Variants in TNS3 observed in about 807,000 individuals in gnomAD.
TNS3 encodes tensin 3, also known as tensin-3.
A neutral mutation model predicts 140.9 loss-of-function variants in TNS3; 45 were observed. The observed-to-expected ratio is 0.32, with a 90% CI of 0.25 to 0.41. TNS3 has a LOEUF of 0.41. Among genes scored for constraint, TNS3 ranks in the 10% least tolerant of loss-of-function variants. The pLI is 1.00. For synonymous variants in TNS3, 815 were observed against 788.4 expected (o/e 1.03, Z -0.56); for missense variants, 1,716 against 1,906.7 (o/e 0.90, Z 1.86).
At chr7:47,582,336 G>A (rs938579222), upstream of TNS3, 2 of 430,332 alleles carry the variant, frequency 4.6e-6, no homozygotes, top group Non-Finnish European at 9.3e-6. Flanking sequence ...GCTGGCCGCA[G>A]AGAGGACCTG....
intron 1 of TNS3, among the ~76,000 whole-genome samples, chr7:47,567,039 A>G (rs1168152296): frequency 6.6e-6 from 1 of 151,354 alleles, no homozygotes; most frequent in African/African-American, 2.4e-5. Flanking sequence ...TCAAAAAAAA[A>G]AAAAAAAAAA....
At chr7:47,318,816 G>A (rs960766069) in intron 20 of TNS3, among the ~76,000 whole-genome samples, 4 of 152,194 alleles carry the variant, frequency 2.6e-5, no homozygotes, top group African/African-American at 4.8e-5. Context: ...AGATGATACC[G>A]GCGAGGGTCT....
chr7:47,368,836 C>T lies in TNS3; in HGVS notation c.1810G>A (p.Ala604Thr), dbSNP rs561389270. 117 of 1,613,130 alleles carry T rather than the reference C, an allele frequency of 7.3e-5. No homozygotes were observed. The South Asian group carries it at 1.0e-3, about 14-fold the overall frequency. Residue 604 changes from alanine (A) to threonine (T), a missense_variant, in exon 17 of 31, where the codon GCC (alanine) becomes ACC (threonine). This residue lies in a region of TNS3 where 1,163 missense variants were observed against 1,182.1 expected (regional missense o/e 0.98). Transcript: ENST00000311160. ...ACCAGCCGGGCCTCCCCATCTGGGG[C>T]GAAGCTATACTGGTGAGCTACAACC... ...QMVVAHQYSF[A>T]PDGEARLVSR...
At chr7:47,533,167 C>T (rs1193972928) in intron 1 of TNS3, among the ~76,000 whole-genome samples, 1 of 116,146 alleles carries the variant, frequency 8.6e-6, no homozygotes, top group Non-Finnish European at 1.6e-5. Context: ...GAGTCTCGCT[C>T]TGTCGCCCAC....
intron 17 of TNS3, among the ~76,000 whole-genome samples, chr7:47,363,424 A>T (rs942231087): frequency 6.6e-6 from 1 of 152,196 alleles, no homozygotes; most frequent in Non-Finnish European, 1.5e-5. Context: ...TATAATTTTC[A>T]TCTCATAAAT....
intron 1 of TNS3, among the ~76,000 whole-genome samples, chr7:47,548,888 C>G (rs1799989696): frequency 6.6e-6 from 1 of 152,214 alleles, no homozygotes; most frequent in Non-Finnish European, 1.5e-5. Context: ...CCAACATGTC[C>G]TCCCTGCTGC....
In TNS3 at chr7:47,481,105, GT is replaced by G. The variant is rs1164752618; in HGVS notation, c.-79del. 7.0e-6 allele frequency: 9 copies of G among 1,289,702 alleles called. No homozygotes were observed. The Admixed American group carries it at 2.1e-4, about 30-fold the overall frequency. The allele number at this position is 1,289,702 out of a possible 1,614,324, so 79.9% of individuals were successfully genotyped here. A position where few individuals can be genotyped will look rare whatever the true frequency, so the allele number is the denominator to read the frequency against. On this transcript the variant is annotated 5_prime_UTR_variant, in exon 4 of 31. Coordinates refer to ENST00000311160, the MANE Select transcript of TNS3 (RefSeq NM_022748.12). The stretch of plus-strand genomic sequence containing the variant: ...CCAAAGAAATGCAAAGGGCTTACCT[GT>G]TCCAGTCGGACTTGCACACCGCAGG...
chr7:47,403,848 G>A (rs1475833557), intron 13 of TNS3, among the ~76,000 whole-genome samples: 2 of 152,212 alleles, frequency 1.3e-5, no homozygotes, highest in African/African-American at 4.8e-5. Context: ...AATGGCAAGA[G>A]ATCAGAATTA....
At chr7:47,457,206 C>A (rs1398188627) in intron 4 of TNS3, among the ~76,000 whole-genome samples, 1 of 142,384 alleles carries the variant, frequency 7.0e-6, no homozygotes, top group Non-Finnish European at 1.5e-5. Flanking sequence ...GAGAGGCAAC[C>A]ACCTCGATGT....
At chr7:47,423,195 T>A (rs1794471155) in intron 10 of TNS3, among the ~76,000 whole-genome samples, 1 of 152,238 alleles carries the variant, frequency 6.6e-6, no homozygotes, top group Non-Finnish European at 1.5e-5. Context: ...AGGTCGGGTG[T>A]GCAACTACCT....
intron 13 of TNS3, among the ~76,000 whole-genome samples, chr7:47,402,692 T>C (rs779913560): frequency 1.3e-5 from 2 of 152,044 alleles, no homozygotes; most frequent in African/African-American, 4.8e-5. Context: ...TGCACCCCCA[T>C]TGATAGAGAT....
At chr7:47,437,764 AC>A (rs1795257516) in intron 6 of TNS3, among the ~76,000 whole-genome samples, 1 of 146,908 alleles carries the variant, frequency 6.8e-6, no homozygotes, top group Non-Finnish European at 1.5e-5. Context: ...ACACACACAC[AC>A]ACACACACAC....
intron 16 of TNS3, among the ~76,000 whole-genome samples, chr7:47,395,550 A>G (rs1792779708): frequency 6.6e-6 from 1 of 152,252 alleles, no homozygotes; most frequent in Non-Finnish European, 1.5e-5. Context: ...CACAGCTTTA[A>G]GATTCCAGTG....
intron 2 of TNS3, among the ~76,000 whole-genome samples, chr7:47,518,923 C>T (rs556342828): frequency 6.6e-6 from 1 of 152,314 alleles, no homozygotes; most frequent in East Asian, 1.9e-4. Flanking sequence ...AGAAATCAAT[C>T]GAGGTGGACT....
At chr7:47,566,694 G>A (rs532463419) in intron 1 of TNS3, among the ~76,000 whole-genome samples, 1 of 152,126 alleles carries the variant, frequency 6.6e-6, no homozygotes, top group African/African-American at 2.4e-5. Flanking sequence ...GAAGGGAATC[G>A]GGTCTCAACC....
intron 17 of TNS3, among the ~76,000 whole-genome samples, chr7:47,348,832 C>T (rs1225423153): frequency 6.6e-6 from 1 of 152,200 alleles, no homozygotes; most frequent in African/African-American, 2.4e-5. Flanking sequence ...TAGCTGACAA[C>T]AGCCAGCACA....
At chr7:47,557,237 A>G (rs1168677785) in intron 1 of TNS3, 1 of 423,024 alleles carries the variant, frequency 2.4e-6, no homozygotes, top group African/African-American at 2.0e-5. Context: ...GGAGAGGCTG[A>G]CTTTTCGTCT....
chr7:47,507,614 T>C (rs568305436), intron 2 of TNS3, among the ~76,000 whole-genome samples: 12 of 152,244 alleles, frequency 7.9e-5, no homozygotes, highest in African/African-American at 2.9e-4. Context: ...AACAATGCAA[T>C]GCAGAGCTGG....
intron 16 of TNS3, among the ~76,000 whole-genome samples, chr7:47,394,822 C>T (rs1471036186): frequency 6.6e-6 from 1 of 152,250 alleles, no homozygotes; most frequent in African/African-American, 2.4e-5. Flanking sequence ...GCTGCAGGCG[C>T]CCAGCTTTCA....
Sources: gnomAD v4.1 joint callset for allele counts (sites outside exome capture counted in the v4.1 genomes callset) on GRCh38, gnomAD v4.1.1 for gene constraint, gnomAD v4.1.1 regional missense constraint, MANE v1.5 for transcripts, NCBI Gene and HGNC (gene_info 2026-07-23, HGNC 2026-07-21) for gene names.